The following ENOX1 variants were observed in gnomAD, a reference collection of about 807,000 sequenced individuals.
ENOX1 encodes ecto-NOX disulfide-thiol exchanger 1, also known as candidate growth-related and time keeping constitutive hydroquinone (NADH) oxidase.
Under a neutral mutation model 82.5 loss-of-function variants are expected in ENOX1, and 42 were observed. The ratio of observed to expected loss-of-function variants is 0.51; its 90% confidence interval spans 0.40 to 0.66. The LOEUF is 0.66. Ranked by LOEUF, ENOX1 falls within the 30% of genes least tolerant of loss-of-function variation. The pLI, the probability that ENOX1 is intolerant of heterozygous loss-of-function variation, is 0.00. For synonymous variants in ENOX1, 271 were observed against 282.2 expected (o/e 0.96, Z 0.40); for missense variants, 608 against 811.6 (o/e 0.75, Z 3.05).
chr13:43,486,559 G>C (rs950325104), intron 2 of ENOX1, among the ~76,000 whole-genome samples: 1 of 152,192 alleles, frequency 6.6e-6, no homozygotes, highest in Non-Finnish European at 1.5e-5. Context: ...AAAATTCCAG[G>C]AACACTGCAA....
At chr13:43,422,009 AGTTCCAGAATTTAGTCCCAAAGCTT>A (rs2055006502) in intron 3 of ENOX1, among the ~76,000 whole-genome samples, 1 of 151,998 alleles carries the variant, frequency 6.6e-6, no homozygotes, top group African/African-American at 2.4e-5. Flanking sequence ...AAAAAATCTC[AGTTCCAGAATTTAGTCCCAAAGCTT>A]GGAAGTTTAA....
intron 5 of ENOX1, among the ~76,000 whole-genome samples, chr13:43,383,442 G>A (rs2052200779): frequency 6.6e-6 from 1 of 151,960 alleles, no homozygotes; most frequent in Non-Finnish European, 1.5e-5. Flanking sequence ...CATCATTCTG[G>A]GTGCTAAAAT....
intron 12 of ENOX1, among the ~76,000 whole-genome samples, chr13:43,277,745 G>A (rs550226254): frequency 7.9e-4 from 121 of 152,312 alleles, no homozygotes; most frequent in Non-Finnish European, 1.5e-3. Context: ...AGCTGAAAAT[G>A]TTTCCAGGTT....
chr13:43,669,624 C>A (rs182642598), intron 1 of ENOX1, among the ~76,000 whole-genome samples: 24 of 152,220 alleles, frequency 1.6e-4, no homozygotes, highest in African/African-American at 5.5e-4. Context: ...ACTAACGTCC[C>A]CACATTTTTA....
At chr13:43,487,254 T>A (rs1165804351) in intron 2 of ENOX1, among the ~76,000 whole-genome samples, 2 of 152,138 alleles carry the variant, frequency 1.3e-5, no homozygotes, top group African/African-American at 4.8e-5. Flanking sequence ...GAAAACGTGC[T>A]ATGAAGCTCA....
chr13:43,318,251 A>C (rs1409116669), intron 11 of ENOX1, among the ~76,000 whole-genome samples: 2 of 152,196 alleles, frequency 1.3e-5, no homozygotes, highest in Admixed American at 6.5e-5. Context: ...CACTCATCAA[A>C]TATTGGGTGA....
intron 2 of ENOX1, among the ~76,000 whole-genome samples, chr13:43,594,815 G>A (rs2081392586): frequency 1.3e-5 from 2 of 152,106 alleles, no homozygotes; most frequent in Non-Finnish European, 2.9e-5. Flanking sequence ...GCATGAGGCA[G>A]CAGGGAGATT....
At chr13:43,745,651 C>T (rs1328195997) in intron 1 of ENOX1, among the ~76,000 whole-genome samples, 1 of 152,128 alleles carries the variant, frequency 6.6e-6, no homozygotes, top group Non-Finnish European at 1.5e-5. Flanking sequence ...ATAAAATGAG[C>T]TGCTATACCA....
intron 1 of ENOX1, among the ~76,000 whole-genome samples, chr13:43,778,828 TGGGCA>T (rs747964686): frequency 1.8e-4 from 27 of 152,216 alleles, no homozygotes; most frequent in African/African-American, 3.4e-4. Context: ...CCAAGTCCAA[TGGGCA>T]GGGCAGGGCA....
chr13:43,263,874 C>T (rs570794293), intron 14 of ENOX1, among the ~76,000 whole-genome samples: 1 of 152,248 alleles, frequency 6.6e-6, no homozygotes, highest in East Asian at 1.9e-4. Context: ...GCCTTGTGTC[C>T]CTGGAAGACA....
chr13:43,265,602 A>C, intron 13 of ENOX1, 148 bp from the exon 14 acceptor site: 1 of 605,624 alleles, frequency 1.7e-6, no homozygotes. Context: ...CATATTTCTA[A>C]TGAGCCTTAT....
At chr13:43,416,321 C>T (rs1185806632) in intron 3 of ENOX1, among the ~76,000 whole-genome samples, 4 of 148,014 alleles carry the variant, frequency 2.7e-5, no homozygotes, top group African/African-American at 7.5e-5. Context: ...ACGGGGCGGC[C>T]GGGCAGAGGC....
chr13:43,312,193 T>C (rs1489674750), intron 11 of ENOX1, among the ~76,000 whole-genome samples: 1 of 152,200 alleles, frequency 6.6e-6, no homozygotes, highest in Non-Finnish European at 1.5e-5. Flanking sequence ...GGAGAAGACA[T>C]ATTACTTCCA....
At chr13:43,407,285 T>C (rs1594388045) in intron 5 of ENOX1, among the ~76,000 whole-genome samples, 1 of 152,320 alleles carries the variant, frequency 6.6e-6, no homozygotes, top group Non-Finnish European at 1.5e-5. Context: ...GGAGTGACAC[T>C]GTTCAGCACA....
chr13:43,542,052 A>G (rs2078753900), intron 2 of ENOX1, among the ~76,000 whole-genome samples: 1 of 152,232 alleles, frequency 6.6e-6, no homozygotes, highest in Non-Finnish European at 1.5e-5. Context: ...CAGAACGTCA[A>G]TAACAAATGA....
intron 1 of ENOX1, among the ~76,000 whole-genome samples, chr13:43,681,180 T>C (rs930912276): frequency 6.6e-6 from 1 of 152,160 alleles, no homozygotes; most frequent in African/African-American, 2.4e-5. Context: ...TGCTTTTCTT[T>C]CCCATTTATA....
At position 43,415,232 on chromosome 13, in the gene ENOX1, G is replaced by GTTTTTT. The variant is rs71202260; in HGVS notation, c.-74-2250_-74-2245dup. ...CATCTCTTCAGTCTCCCAATCCAAT[G>GTTTTTT]TTTTTTTTTTTTTTTTTTTTTTTTT... On this transcript the variant is annotated intron_variant, in intron 3 of 16. Coordinates refer to ENST00000690772, the MANE Select transcript of ENOX1 (RefSeq NM_001347969.2). Among the ~76,000 whole-genome samples, 43 of 54,628 alleles carry GTTTTTT rather than the reference G, an allele frequency of 7.9e-4. 1 individual carries two copies. The highest frequency in any genetic ancestry group is 1.2e-3 in the Non-Finnish European group (38 of 31,996). The allele number at this position is 54,628 out of a possible 152,430, so 35.8% of individuals were successfully genotyped here.
At chr13:43,720,900 C>T (rs1247915516) in intron 1 of ENOX1, among the ~76,000 whole-genome samples, 1 of 152,194 alleles carries the variant, frequency 6.6e-6, no homozygotes, top group Non-Finnish European at 1.5e-5. Flanking sequence ...CCTGAGAGGG[C>T]ATGCTCTCCA....
At chr13:43,668,381 T>A (rs577875112) in intron 1 of ENOX1, among the ~76,000 whole-genome samples, 1 of 152,324 alleles carries the variant, frequency 6.6e-6, no homozygotes, top group East Asian at 1.9e-4. Context: ...GACCATCCTC[T>A]GGTATCTAAA....
Sources: gnomAD v4.1 joint callset for allele counts (sites outside exome capture counted in the v4.1 genomes callset) on GRCh38, gnomAD v4.1.1 for gene constraint, MANE v1.5 for transcripts, NCBI Gene and HGNC (gene_info 2026-07-23, HGNC 2026-07-21) for gene names.